CSMD1: variants seen among roughly 807,000 people sequenced by gnomAD.
CSMD1 encodes CUB and Sushi multiple domains 1.
A neutral mutation model predicts 417.5 loss-of-function variants in CSMD1; 213 were observed. That is an observed-to-expected ratio of 0.51 (90% CI 0.46 to 0.57). The LOEUF (loss-of-function observed/expected upper bound fraction) is 0.57. Among genes scored for constraint, CSMD1 ranks in the 20% least tolerant of loss-of-function variants. The pLI is 0.00. For missense variants in CSMD1, 6,923 were observed against 4,529.7 expected (o/e 1.53, Z -15.17); for synonymous variants, 2,862 against 1,736.8 (o/e 1.65, Z -16.11).
At chr8:4,968,524 C>G (rs987855190) in intron 1 of CSMD1, among the ~76,000 whole-genome samples, 7 of 152,100 alleles carry the variant, frequency 4.6e-5, no homozygotes, top group Admixed American at 2.6e-4. Flanking sequence ...TTTCCACCTG[C>G]ACTACTAAAA....
intron 5 of CSMD1, among the ~76,000 whole-genome samples, chr8:3,766,245 T>A: frequency 6.6e-6 from 1 of 152,182 alleles, no homozygotes; most frequent in East Asian, 1.9e-4. Context: ...AGAGCTGTCA[T>A]GCCCCACCTG....
At chr8:4,047,285 G>C (rs555661198) in intron 3 of CSMD1, among the ~76,000 whole-genome samples, 26 of 152,262 alleles carry the variant, frequency 1.7e-4, no homozygotes, top group Admixed American at 1.6e-3. Flanking sequence ...GGGAGGAAGG[G>C]AGGAAGGAGA....
At chr8:3,631,384 G>A (rs1237332205) in intron 7 of CSMD1, among the ~76,000 whole-genome samples, 3 of 152,212 alleles carry the variant, frequency 2.0e-5, no homozygotes, top group Non-Finnish European at 4.4e-5. Context: ...GAGGTAGTCA[G>A]TGACTGGAGT....
At chr8:4,971,807 T>C (rs531790193) in intron 1 of CSMD1, among the ~76,000 whole-genome samples, 12 of 152,148 alleles carry the variant, frequency 7.9e-5, no homozygotes, top group African/African-American at 2.6e-4. Context: ...AGTAGAAATA[T>C]AGAATTTAAA....
At chr8:3,214,331 A>G (rs535386391) in intron 30 of CSMD1, among the ~76,000 whole-genome samples, 166 bp downstream of exon 30, 5 of 152,230 alleles carry the variant, frequency 3.3e-5, no homozygotes, top group Non-Finnish European at 7.3e-5. Flanking sequence ...CACTAGCTGC[A>G]TTAAATGATC....
At chr8:3,433,916 T>C (rs1045089701) in intron 12 of CSMD1, among the ~76,000 whole-genome samples, 1 of 152,192 alleles carries the variant, frequency 6.6e-6, no homozygotes, top group African/African-American at 2.4e-5. Context: ...TGGACTAAGG[T>C]GCTCAACCCT....
chr8:4,800,088 G>C (rs893459187), intron 1 of CSMD1, among the ~76,000 whole-genome samples: 1 of 152,216 alleles, frequency 6.6e-6, no homozygotes. Context: ...AATATCCTGT[G>C]TATTTTTTAT....
At chr8:3,313,971 G>A (rs1013253854) in intron 23 of CSMD1, among the ~76,000 whole-genome samples, 2 of 152,104 alleles carry the variant, frequency 1.3e-5, no homozygotes. Flanking sequence ...TCCTTTGTAG[G>A]GACATGGATG....
chr8:4,888,819 G>C (rs1400685077), intron 1 of CSMD1, among the ~76,000 whole-genome samples: 1 of 152,088 alleles, frequency 6.6e-6, no homozygotes, highest in Non-Finnish European at 1.5e-5. Flanking sequence ...CCAACTTGAA[G>C]AGACTTCCAA....
chr8:4,291,350 T>G (rs115638947), intron 3 of CSMD1, among the ~76,000 whole-genome samples: 1 of 152,086 alleles, frequency 6.6e-6, no homozygotes, highest in African/African-American at 2.4e-5. Flanking sequence ...ATTGATAAAT[T>G]ACATATAAAA....
intron 26 of CSMD1, among the ~76,000 whole-genome samples, chr8:3,267,695 A>C (rs1262385106): frequency 6.6e-6 from 1 of 152,218 alleles, no homozygotes; most frequent in African/African-American, 2.4e-5. Context: ...AGCAGTATAG[A>C]GTAACGGGCT....
In CSMD1 at chr8:3,108,470, T is replaced by G. The variant is rs1585369857; in HGVS notation, c.6754+133A>C. On this transcript the variant is annotated intron_variant, in intron 44 of 69. Transcript: ENST00000635120. ...AAAAGGACCACAGGAAACGCTGGCC[T>G]CCAGTGCAAAAGAATCATACACGCC... 3 of 798,052 alleles carry G rather than the reference T, an allele frequency of 3.8e-6. No homozygotes were observed. The African/African-American group carries it at 5.2e-5, about 14-fold the overall frequency. The allele number at this position is 798,052 out of a possible 1,614,324, so 49.4% of individuals were successfully genotyped here.
At chr8:4,431,494 G>A (rs535471970) in intron 2 of CSMD1, among the ~76,000 whole-genome samples, 9 of 152,166 alleles carry the variant, frequency 5.9e-5, no homozygotes, top group Middle Eastern at 3.4e-3. Context: ...GAGAGACCAA[G>A]TAGAGACCAA....
chr8:3,867,270 T>C (rs936772803), intron 5 of CSMD1, among the ~76,000 whole-genome samples: 8 of 152,146 alleles, frequency 5.3e-5, no homozygotes, highest in African/African-American at 1.9e-4. Flanking sequence ...GACCATACCA[T>C]TACATATCTT....
At chr8:3,078,922 G>C (rs1470253544) in intron 49 of CSMD1, among the ~76,000 whole-genome samples, 1 of 152,118 alleles carries the variant, frequency 6.6e-6, no homozygotes, top group African/African-American at 2.4e-5. Flanking sequence ...TTAGCTGGCA[G>C]TATGATAAAG....
chr8:3,564,112 C>G (rs1217011765), intron 10 of CSMD1, among the ~76,000 whole-genome samples: 1 of 152,150 alleles, frequency 6.6e-6, no homozygotes, highest in Non-Finnish European at 1.5e-5. Context: ...CAGGAATACT[C>G]ATCACTTCAA....
intron 3 of CSMD1, among the ~76,000 whole-genome samples, chr8:4,387,427 C>T (rs1282425908): frequency 1.3e-5 from 2 of 151,482 alleles, no homozygotes; most frequent in African/African-American, 4.8e-5. Flanking sequence ...TGACTCAAAG[C>T]ATTATGTCAA....
At chr8:3,971,081 C>T (rs774769630) in intron 5 of CSMD1, among the ~76,000 whole-genome samples, 4 of 152,062 alleles carry the variant, frequency 2.6e-5, no homozygotes, top group Non-Finnish European at 4.4e-5. Flanking sequence ...ATGGGGGAGC[C>T]GATGTCTGAT....
At chr8:3,916,824 G>T (rs1165593218) in intron 5 of CSMD1, among the ~76,000 whole-genome samples, 13 of 152,078 alleles carry the variant, frequency 8.5e-5, no homozygotes, top group Admixed American at 7.2e-4. Flanking sequence ...ATGGGGGGTG[G>T]TCTTAGATTG....
Sources: gnomAD v4.1 joint callset for allele counts (sites outside exome capture counted in the v4.1 genomes callset) on GRCh38, gnomAD v4.1.1 for gene constraint, MANE v1.5 for transcripts, NCBI Gene and HGNC (gene_info 2026-07-23, HGNC 2026-07-21) for gene names.